IAH1: variants seen among roughly 807,000 people sequenced by gnomAD.
The protein encoded by IAH1 is isoamyl acetate hydrolyzing esterase 1 (putative).
In IAH1, 24 loss-of-function variants were observed where a neutral mutation model predicts 26.7. The observed-to-expected ratio is 0.90, with a 90% CI of 0.65 to 1.26. The LOEUF (loss-of-function observed/expected upper bound fraction) is 1.26, where lower values mean the gene tolerates loss of function less well. IAH1 is among the 50% of genes most tolerant of loss of function. The pLI, the probability that IAH1 is intolerant of heterozygous loss-of-function variation, is 0.00. For missense variants in IAH1, 300 were observed against 299.9 expected (o/e 1.00, Z 0.00); for synonymous variants, 140 against 118.5 (o/e 1.18, Z -1.18).
At chr2:9,501,981 T>C in the IAH1 span, among the ~76,000 whole-genome samples, 1 of 150,922 alleles carries the variant, frequency 6.6e-6, no homozygotes, top group East Asian at 1.9e-4. Flanking sequence ...GTGATGGAAA[T>C]GAAAGAGAAA....
chr2:9,505,371 G>C, the IAH1 span: 37 of 1,612,490 alleles, frequency 2.3e-5, no homozygotes, highest in South Asian at 1.6e-4. Context: ...AACATCTTGA[G>C]AGAAAAAAGG....
intron 4 of IAH1, among the ~76,000 whole-genome samples, chr2:9,482,742 G>A (rs907151707): frequency 1.3e-5 from 2 of 152,206 alleles, no homozygotes; most frequent in African/African-American, 4.8e-5. Flanking sequence ...AGGATCCAAT[G>A]CGTTCTCAAG....
downstream of IAH1, chr2:9,497,053 G>T (rs1662666054): frequency 1.0e-5 from 16 of 1,583,832 alleles, no homozygotes; most frequent in Non-Finnish European, 1.4e-5. Context: ...TGGAGGAAGG[G>T]AGCCTGGCAG....
chr2:9,489,788 C>T (rs549261463), downstream of IAH1: 1 of 140,148 alleles, frequency 7.1e-6, no homozygotes, highest in Admixed American at 7.3e-5. Context: ...CCAAATGCCT[C>T]ATATTCAGCG....
At chr2:9,480,614 A>G (rs1661114018) in intron 3 of IAH1, among the ~76,000 whole-genome samples, 1 of 152,210 alleles carries the variant, frequency 6.6e-6, no homozygotes, top group Non-Finnish European at 1.5e-5. Context: ...AAAGATATAC[A>G]TCCAAATGCC....
In IAH1 at chr2:9,474,630, G is replaced by C. The variant is rs1355445754; in HGVS notation, c.64G>C (p.Gly22Arg). 7.7e-6 allele frequency: 12 copies of C among 1,557,338 alleles called. No individual in the cohort carries two copies. Among genetic ancestry groups the C allele is most frequent in the Non-Finnish European group, 1.0e-5 (12 of 1,155,518 alleles). ...ALLWPRLLLF[G>R]DSITQFSFQQ... ...GCTCTGGCCTCGCTTGTTGCTCTTCGGGGACTCCATCACCCAGGTACGGCC... is the reference window on the plus strand; with the variant it reads ...GCTCTGGCCTCGCTTGTTGCTCTTCCGGGACTCCATCACCCAGGTACGGCC... The change falls in exon 1 of 6, where the codon GGG becomes CGG. Residue 22 changes from glycine (G) to arginine (R), a missense_variant. By Grantham distance (125) the Gly-to-Arg change is moderately radical. Coordinates refer to ENST00000497473, the MANE Select transcript of IAH1 (RefSeq NM_001039613.3). This position sits in a 1 kb window ranked among gnomAD's most constrained non-coding sequence, Gnocchi z 4.3.
At chr2:9,497,544 T>C (rs1662704718), downstream of IAH1, among the ~76,000 whole-genome samples, 1 of 152,224 alleles carries the variant, frequency 6.6e-6, no homozygotes, top group Non-Finnish European at 1.5e-5. Flanking sequence ...CTATGTGCTA[T>C]TACTTAGAAT....
downstream of IAH1, among the ~76,000 whole-genome samples, chr2:9,498,926 C>T (rs1662813080): frequency 6.6e-6 from 1 of 152,066 alleles, no homozygotes; most frequent in South Asian, 2.1e-4. Flanking sequence ...GCATGGTCCC[C>T]AAAGTTTAGC....
Position 9,484,416 on chromosome 2 carries a change from T to A in IAH1, c.446-16T>A, listed in dbSNP as rs1558481429. 8 of 1,601,486 alleles carry A rather than the reference T, an allele frequency of 5.0e-6. No homozygotes were observed. Among genetic ancestry groups the A allele is most frequent in the Non-Finnish European group, 6.8e-6 (8 of 1,168,480 alleles). On this transcript the variant is annotated splice_polypyrimidine_tract_variant and intron_variant, in intron 4 of 5. Transcript: ENST00000497473. ...TGGGTTTACCAACTGCCACCTCTAT[T>A]TCTTCTCTTCAATAGGTTGCAAACT...
intron 6 of IAH1, among the ~76,000 whole-genome samples, chr2:9,496,054 T>C (rs1662570997): frequency 6.6e-6 from 1 of 152,150 alleles, no homozygotes; most frequent in South Asian, 2.1e-4. Flanking sequence ...CTCCACTGTA[T>C]GGATGGTGAG....
At chr2:9,487,784 C>G (rs1558484499) in intron 5 of IAH1, among the ~76,000 whole-genome samples, 2 of 137,706 alleles carry the variant, frequency 1.5e-5, no homozygotes, top group African/African-American at 5.6e-5. Context: ...CCTCCCCGGC[C>G]TTTTTGTGTG....
downstream of IAH1, chr2:9,497,029 G>C (rs1016864443): frequency 3.9e-6 from 6 of 1,551,814 alleles, no homozygotes; most frequent in African/African-American, 1.4e-5. Flanking sequence ...GCTGTCATTC[G>C]CACAACCTCC....
Position 9,488,390 on chromosome 2 carries a change from G to A in IAH1, c.*61G>A, listed in dbSNP as rs1006218790. The A allele has an allele frequency of 2.2e-6, 3 of 1,342,286 alleles. No individual in the cohort carries two copies. Among genetic ancestry groups the A allele is most frequent in the Non-Finnish European group, 3.0e-6 (3 of 985,508 alleles). The allele number at this position is 1,342,286 out of a possible 1,614,324, so 83.1% of individuals were successfully genotyped here. A position where few individuals can be genotyped will look rare whatever the true frequency, so the allele number is the denominator to read the frequency against. Reference sequence around the variant, plus strand: ...CAGAACTCAAAGTTGTCAATACGTAGAGGTACGCTTTTTTCCTCAGGCTTA... The same window carrying A: ...CAGAACTCAAAGTTGTCAATACGTAAAGGTACGCTTTTTTCCTCAGGCTTA... On this transcript the variant is annotated 3_prime_UTR_variant, in exon 6 of 6. Transcript: ENST00000497473.
chr2:9,478,283 C>T lies in IAH1; in HGVS notation c.196C>T (p.Leu66Phe). 3.1e-6 allele frequency: 5 copies of T among 1,613,064 alleles called. No individual in the cohort carries two copies. The highest frequency in any genetic ancestry group is 4.2e-6 in the Non-Finnish European group (5 of 1,179,414). Residue 66 changes from leucine (L) to phenylalanine (F), a missense_variant, in exon 3 of 6, where the codon CTT (leucine) becomes TTT (phenylalanine). By Grantham distance (22) the Leu-to-Phe change is conservative (BLOSUM62 0). Coordinates refer to ENST00000497473, the MANE Select transcript of IAH1 (RefSeq NM_001039613.3). Reference protein sequence around the residue: ...GYNTRWAKIILPRLIRKGNSL... With the variant: ...GYNTRWAKIIFPRLIRKGNSL... ...CAATACCAGGTGGGCCAAAATTATCCTTCCAAGATTAATCAGGAAAGGAAA... is the reference window on the plus strand; with the variant it reads ...CAATACCAGGTGGGCCAAAATTATCTTTCCAAGATTAATCAGGAAAGGAAA...
At chr2:9,479,989 A>G (rs1258711160) in intron 3 of IAH1, among the ~76,000 whole-genome samples, 1 of 151,570 alleles carries the variant, frequency 6.6e-6, no homozygotes, top group East Asian at 1.9e-4. Context: ...TTGTATTTTT[A>G]GTAGAGACAG....
downstream of IAH1, among the ~76,000 whole-genome samples, chr2:9,501,334 C>T (rs750934980): frequency 1.8e-4 from 28 of 152,110 alleles, no homozygotes; most frequent in Non-Finnish European, 3.2e-4. Flanking sequence ...TTGGCCAGAA[C>T]GTCAGGATAA....
intron 2 of IAH1, among the ~76,000 whole-genome samples, chr2:9,477,768 G>A (rs1232666417): frequency 6.6e-6 from 1 of 151,820 alleles, no homozygotes; most frequent in African/African-American, 2.4e-5. Context: ...CACAACGAAT[G>A]TATTTACTAA....
exon 7 of IAH1, chr2:9,496,465 C>G (rs1250563192): frequency 6.6e-6 from 1 of 152,292 alleles, no homozygotes; most frequent in African/African-American, 2.4e-5. Context: ...ACTCCCTCAT[C>G]GACTCCCATG....
chr2:9,500,241 C>T (rs1214142310), downstream of IAH1, among the ~76,000 whole-genome samples: 1 of 152,208 alleles, frequency 6.6e-6, no homozygotes, highest in African/African-American at 2.4e-5. Flanking sequence ...CTGATACATG[C>T]TACAACATAC....
Sources: allele counts gnomAD v4.1 joint callset (sites outside exome capture counted in the v4.1 genomes callset), GRCh38; gene constraint gnomAD v4.1.1; non-coding constraint Gnocchi (gnomAD v3.1); transcripts MANE v1.5; gene names NCBI Gene and HGNC (gene_info 2026-07-23, HGNC 2026-07-21).